Variants in USP33 observed in about 807,000 individuals in gnomAD.
USP33 encodes ubiquitin carboxyl-terminal hydrolase 33.
USP33 carries 46 observed loss-of-function variants against 124.2 expected under a neutral mutation model. The observed-to-expected ratio is 0.37, with a 90% CI of 0.29 to 0.47. USP33 has a LOEUF of 0.47. USP33 is among the 20% of genes least tolerant of loss of function. USP33 has a pLI of 0.99. For missense variants in USP33, 851 were observed against 1,070.6 expected (o/e 0.79, Z 2.86); for synonymous variants, 350 against 352.3 (o/e 0.99, Z 0.07).
chr1:77,706,247 C>G (rs192717853), intron 21 of USP33, among the ~76,000 whole-genome samples: 3 of 152,318 alleles, frequency 2.0e-5, no homozygotes, highest in Non-Finnish European at 2.9e-5. Flanking sequence ...ATGTGGCACA[C>G]AGCATTTTGC....
chr1:77,705,353 C>T (rs1274866601), intron 21 of USP33, among the ~76,000 whole-genome samples: 1 of 151,958 alleles, frequency 6.6e-6, no homozygotes, highest in Non-Finnish European at 1.5e-5. Flanking sequence ...CGCCACCATG[C>T]CTGGCTAATT....
At chr1:77,747,209 G>T (rs947465233) in intron 1 of USP33, among the ~76,000 whole-genome samples, 2 of 142,208 alleles carry the variant, frequency 1.4e-5, no homozygotes, top group Admixed American at 7.0e-5. Flanking sequence ...ATCATATATA[G>T]TACATAAGGA....
intron 21 of USP33, among the ~76,000 whole-genome samples, chr1:77,709,971 A>G (rs1032604408): frequency 6.6e-6 from 1 of 152,084 alleles, no homozygotes; most frequent in Admixed American, 6.6e-5. Flanking sequence ...CTCCAATCCA[A>G]TAACAACACA....
Position 77,713,236 on chromosome 1 carries a change from A to G in USP33, c.2261T>C (p.Met754Thr). Residue 754 changes from methionine to threonine, a missense_variant, in exon 20 of 24, where the codon ATG becomes ACG. Met to Thr is a moderately conservative substitution (Grantham distance 81). Around this residue, in one of 4 missense-constraint regions of USP33, gnomAD observed 281 missense variants for 425.0 expected, o/e 0.66. Coordinates refer to ENST00000370794, the MANE Select transcript of USP33 (RefSeq NM_201624.3). ...GTTATCCCAAATGTTCTGAGGCAGC[A>G]TCAAAACCAGGTCTTCAATATAACC... ...KAGYIEDLVL[M>T]LPQNIWDNLY... 1 of 1,584,474 alleles carries G rather than the reference A, an allele frequency of 6.3e-7. No homozygotes were observed. The highest frequency in any genetic ancestry group is 8.5e-7 in the Non-Finnish European group (1 of 1,171,868).
intron 1 of USP33, among the ~76,000 whole-genome samples, chr1:77,742,225 A>C (rs1259437973): frequency 1.3e-5 from 2 of 152,118 alleles, no homozygotes; most frequent in Non-Finnish European, 2.9e-5. Context: ...CATAAATTAA[A>C]TCATCTGGTA....
At chr1:77,705,097 G>T (rs1674464119) in intron 21 of USP33, among the ~76,000 whole-genome samples, 1 of 125,324 alleles carries the variant, frequency 8.0e-6, no homozygotes. Context: ...TGTTATTTCT[G>T]TTAACACAAA....
At chr1:77,712,383 G>A (rs2101271296) in intron 20 of USP33, among the ~76,000 whole-genome samples, 1 of 152,230 alleles carries the variant, frequency 6.6e-6, no homozygotes, top group Middle Eastern at 3.4e-3. Context: ...CATTAGCCAG[G>A]CATGGTGATG....
intron 7 of USP33, among the ~76,000 whole-genome samples, chr1:77,731,764 C>A (rs1677842583): frequency 6.6e-6 from 1 of 152,012 alleles, no homozygotes; most frequent in Non-Finnish European, 1.5e-5. Context: ...CAGTAATAAA[C>A]AAAACATCTA....
chr1:77,728,542 A>C lies in USP33; in HGVS notation c.888T>G (p.Ser296Arg). The change falls in exon 10 of 24, where the codon AGT becomes AGG. Residue 296 changes from serine (S) to arginine (R), a missense_variant. Coordinates refer to ENST00000370794, the MANE Select transcript of USP33 (RefSeq NM_201624.3). ...DFQSCESCSN[S>R]DRAENENGSR... is the part of the protein sequence containing the mutation. Reference sequence around the variant, plus strand: ...AGCCATTTTCATTTTCTGCTCTATCACTGTTGCTACAAGATTCACAAGACT... The same window carrying C: ...AGCCATTTTCATTTTCTGCTCTATCCCTGTTGCTACAAGATTCACAAGACT... The C allele has an allele frequency of 2.5e-6, 4 of 1,614,056 alleles. No homozygotes were observed. The South Asian group carries it at 4.4e-5, about 18-fold the overall frequency.
chr1:77,703,944 G>T (rs1013901546), intron 21 of USP33, among the ~76,000 whole-genome samples: 3 of 151,976 alleles, frequency 2.0e-5, no homozygotes, highest in African/African-American at 7.2e-5. Context: ...TCTTGAGCCT[G>T]GGAGATCAAG....
intron 21 of USP33, among the ~76,000 whole-genome samples, chr1:77,708,028 G>A (rs573374068): frequency 2.0e-5 from 3 of 152,272 alleles, no homozygotes; most frequent in East Asian, 3.9e-4. Flanking sequence ...ATGGGGAAAG[G>A]GCAAATGCAA....
intron 21 of USP33, 186 bp downstream of exon 21, chr1:77,711,561 A>ACACACAC: frequency 2.3e-6 from 2 of 872,118 alleles, no homozygotes; most frequent in Non-Finnish European, 1.6e-6. Flanking sequence ...ACACACACAC[A>ACACACAC]AAGGGAGAAC....
intron 19 of USP33, among the ~76,000 whole-genome samples, 177 bp downstream of exon 19, chr1:77,714,437 C>T (rs1357462962): frequency 2.0e-5 from 3 of 152,068 alleles, no homozygotes; most frequent in Admixed American, 2.0e-4. Context: ...CTAGAGATTA[C>T]CTACAATTAA....
intron 3 of USP33, 106 bp from the exon 4 acceptor site, chr1:77,741,045 T>A (rs560135582): frequency 2.6e-6 from 2 of 779,440 alleles, no homozygotes; most frequent in African/African-American, 1.8e-5. Context: ...TTACCTGTTT[T>A]ACATTCAATG....
intron 1 of USP33, among the ~76,000 whole-genome samples, chr1:77,748,238 C>T (rs1679929643): frequency 6.6e-6 from 1 of 152,138 alleles, no homozygotes; most frequent in African/African-American, 2.4e-5. Context: ...AATGCATTTA[C>T]CAGAACCTCT....
chr1:77,721,423 T>G, intron 14 of USP33: 1 of 585,038 alleles, frequency 1.7e-6, no homozygotes. Context: ...TCTTTTCCAT[T>G]TATTCATTGA....
intron 11 of USP33, among the ~76,000 whole-genome samples, chr1:77,724,381 CA>C (rs1676921788): frequency 6.6e-6 from 1 of 152,080 alleles, no homozygotes; most frequent in African/African-American, 2.4e-5. Context: ...TGTCCTTTGT[CA>C]ACAAAAATCT....
At chr1:77,752,328 G>A (rs975797410) in intron 1 of USP33, among the ~76,000 whole-genome samples, 4 of 151,486 alleles carry the variant, frequency 2.6e-5, no homozygotes, top group African/African-American at 7.3e-5. Context: ...TAGTAGAGAC[G>A]GAGTTTCACC....
At position 77,701,480 on chromosome 1, in the gene USP33, G is replaced by T; in HGVS notation, c.2407-9C>A. 6.2e-7 allele frequency: 1 copy of T among 1,600,788 alleles called. No homozygotes were observed. Among genetic ancestry groups the T allele is most frequent in the Non-Finnish European group, 8.5e-7 (1 of 1,173,786 alleles). The stretch of plus-strand genomic sequence containing the variant: ...TGGAACGCTCTGTTAAGCTACAAGG[G>T]GGAAAAAAAACAGTCATCTAATATC... On this transcript the variant is annotated splice_polypyrimidine_tract_variant and intron_variant, in intron 21 of 23. Transcript: ENST00000370794.
Sources: allele counts gnomAD v4.1 joint callset (sites outside exome capture counted in the v4.1 genomes callset), GRCh38; gene constraint gnomAD v4.1.1; regional missense constraint gnomAD v4.1.1; transcripts MANE v1.5; gene names NCBI Gene and HGNC (gene_info 2026-07-23, HGNC 2026-07-21).